The following KCNJ6 variants were observed in gnomAD, a reference collection of about 807,000 sequenced individuals.
KCNJ6 encodes the protein potassium inwardly rectifying channel subfamily J member 6.
A neutral mutation model predicts 34.2 loss-of-function variants in KCNJ6; 9 were observed. The observed-to-expected ratio is 0.26, with a 90% CI of 0.16 to 0.46. The LOEUF (loss-of-function observed/expected upper bound fraction) is 0.46. KCNJ6 is among the 20% of genes least tolerant of loss of function. The pLI, the probability that KCNJ6 is intolerant of heterozygous loss-of-function variation, is 1.00. For missense variants in KCNJ6, 236 were observed against 531.3 expected (o/e 0.44, Z 5.46); for synonymous variants, 196 against 207.1 (o/e 0.95, Z 0.46).
At chr21:37,741,604 C>A (rs1276455842) in intron 2 of KCNJ6, among the ~76,000 whole-genome samples, 1 of 152,156 alleles carries the variant, frequency 6.6e-6, no homozygotes, top group African/African-American at 2.4e-5. Flanking sequence ...CTTGCCCATG[C>A]CTCCACAGAG....
intron 1 of KCNJ6, among the ~76,000 whole-genome samples, chr21:37,874,100 T>G (rs1436034053): frequency 6.6e-6 from 1 of 152,094 alleles, no homozygotes; most frequent in Non-Finnish European, 1.5e-5. Flanking sequence ...TAATCAGGGG[T>G]TCACCCTCTC....
At chr21:37,634,379 TCCTGAAG>T (rs1288364251) in intron 3 of KCNJ6, among the ~76,000 whole-genome samples, 2 of 152,164 alleles carry the variant, frequency 1.3e-5, no homozygotes, top group Non-Finnish European at 2.9e-5. Flanking sequence ...AGTGGAAGCT[TCCTGAAG>T]CCCTCACCAG....
intron 1 of KCNJ6, among the ~76,000 whole-genome samples, chr21:37,863,874 T>TTTTTTTTTTTTTC (rs1239573568): frequency 4.8e-5 from 7 of 145,548 alleles, no homozygotes; most frequent in Non-Finnish European, 9.0e-5. Flanking sequence ...TTTTTTTTTT[T>TTTTTTTTTTTTTC]TGGTGAAGAG....
At chr21:37,712,194 G>A (rs2054756566) in intron 3 of KCNJ6, among the ~76,000 whole-genome samples, 1 of 152,168 alleles carries the variant, frequency 6.6e-6, no homozygotes, top group South Asian at 2.1e-4. Flanking sequence ...AGTAACCAGA[G>A]GGTACGTCTC....
chr21:37,625,097 G>T lies in KCNJ6; in HGVS notation c.*62C>A. ...AGCAAGAGAGACAGAAAAAGAAAGA[G>T]AATGAGAGACAAGGAAAGATTGTGT... On this transcript the variant is annotated 3_prime_UTR_variant, in exon 4 of 4. Coordinates refer to ENST00000609713, the MANE Select transcript of KCNJ6 (RefSeq NM_002240.5). 3 of 1,163,780 alleles carry T rather than the reference G, an allele frequency of 2.6e-6. No individual in the cohort carries two copies. Among genetic ancestry groups the T allele is most frequent in the Non-Finnish European group, 3.7e-6 (3 of 802,390 alleles). The allele number at this position is 1,163,780 out of a possible 1,614,324, so 72.1% of individuals were successfully genotyped here. A position where few individuals can be genotyped will look rare whatever the true frequency, so the allele number is the denominator to read the frequency against.
chr21:37,656,611 G>A (rs951111490), intron 3 of KCNJ6, among the ~76,000 whole-genome samples: 4 of 152,202 alleles, frequency 2.6e-5, no homozygotes, highest in Non-Finnish European at 4.4e-5. Flanking sequence ...GCTGGAGCTG[G>A]AGCGGCTGGG....
intron 3 of KCNJ6, among the ~76,000 whole-genome samples, chr21:37,636,883 C>G (rs982082777): frequency 2.6e-5 from 4 of 152,154 alleles, no homozygotes; most frequent in African/African-American, 9.7e-5. Context: ...ATGAAAACAG[C>G]CTGGAGGATA....
intron 1 of KCNJ6, among the ~76,000 whole-genome samples, chr21:37,875,807 A>C (rs1197303460): frequency 6.6e-6 from 1 of 152,208 alleles, no homozygotes; most frequent in Non-Finnish European, 1.5e-5. Context: ...AGGTGTTTCC[A>C]TACAAGGAAC....
chr21:37,793,956 C>T (rs908702612), intron 2 of KCNJ6, among the ~76,000 whole-genome samples: 7 of 152,182 alleles, frequency 4.6e-5, no homozygotes, highest in African/African-American at 1.4e-4. Context: ...TTTAAAAATG[C>T]CATGTAGTTT....
At chr21:37,722,423 A>T (rs1223270546) in intron 2 of KCNJ6, among the ~76,000 whole-genome samples, 1 of 152,238 alleles carries the variant, frequency 6.6e-6, no homozygotes, top group East Asian at 1.9e-4. Context: ...CATTTTTCAC[A>T]GATTTATAAA....
At chr21:37,738,100 C>T (rs571242271) in intron 2 of KCNJ6, among the ~76,000 whole-genome samples, 1 of 152,174 alleles carries the variant, frequency 6.6e-6, no homozygotes, top group Non-Finnish European at 1.5e-5. Context: ...ATTTTGAGCA[C>T]TTTTGAGTCT....
chr21:37,858,151 G>A (rs1344944052), intron 1 of KCNJ6, among the ~76,000 whole-genome samples: 1 of 151,992 alleles, frequency 6.6e-6, no homozygotes, highest in Non-Finnish European at 1.5e-5. Context: ...CAGCACTTTG[G>A]GAGGCCGAAG....
In KCNJ6 at chr21:37,819,168, G is replaced by A. The variant is rs551832986; in HGVS notation, c.25+21490C>T. ...TGTTTACAGTTTCTTCTGTTGTTCA[G>A]AATCCTTCTGGCAACAGATAGTGAA... On this transcript the variant is annotated intron_variant, in intron 2 of 3. Coordinates refer to ENST00000609713, the MANE Select transcript of KCNJ6 (RefSeq NM_002240.5). Among the ~76,000 whole-genome samples, 43 of 152,152 alleles carry A rather than the reference G, an allele frequency of 2.8e-4. No homozygotes were observed. The South Asian group carries it at 5.6e-3, about 20-fold the overall frequency.
intron 2 of KCNJ6, among the ~76,000 whole-genome samples, chr21:37,816,651 T>C (rs1463547714): frequency 6.6e-6 from 1 of 152,218 alleles, no homozygotes; most frequent in Non-Finnish European, 1.5e-5. Flanking sequence ...CCTCTGTGGC[T>C]ATAGCAGTGA....
intron 1 of KCNJ6, among the ~76,000 whole-genome samples, chr21:37,893,149 C>T (rs950806914): frequency 7.3e-5 from 11 of 151,364 alleles, no homozygotes; most frequent in Non-Finnish European, 1.3e-4. Context: ...CCACCGCACC[C>T]GGCCGGTTTC....
At position 37,820,609 on chromosome 21, in the gene KCNJ6, C is replaced by T. The variant is rs557012567; in HGVS notation, c.25+20049G>A. ...ACTTCCTGCTACGAATTCTGGGGTT[C>T]GTATGACCCATTCAGGTTCCATAAT... On this transcript the variant is annotated intron_variant, in intron 2 of 3. Coordinates refer to ENST00000609713, the MANE Select transcript of KCNJ6 (RefSeq NM_002240.5). Among the ~76,000 whole-genome samples the T allele has an allele frequency of 8.5e-5, 13 of 152,280 alleles. No individual in the cohort carries two copies. In the South Asian group the frequency reaches 1.9e-3, roughly 22 times the overall value.
intron 3 of KCNJ6, among the ~76,000 whole-genome samples, chr21:37,692,924 G>A (rs1385228607): frequency 6.6e-6 from 1 of 152,118 alleles, no homozygotes; most frequent in East Asian, 1.9e-4. Flanking sequence ...ACCAAGAAGG[G>A]ACAGTTTTTG....
At chr21:37,683,032 A>C (rs2054597299) in intron 3 of KCNJ6, among the ~76,000 whole-genome samples, 1 of 152,254 alleles carries the variant, frequency 6.6e-6, no homozygotes. Context: ...TGTTTTCCCA[A>C]GTAAATCCAG....
chr21:37,849,076 C>T (rs904295477), intron 1 of KCNJ6, among the ~76,000 whole-genome samples: 3 of 152,116 alleles, frequency 2.0e-5, no homozygotes, highest in South Asian at 2.1e-4. Context: ...AAATACTATG[C>T]GAGACTGCAG....
Sources: allele counts gnomAD v4.1 joint callset (sites outside exome capture counted in the v4.1 genomes callset), GRCh38; gene constraint gnomAD v4.1.1; transcripts MANE v1.5; gene names NCBI Gene and HGNC (gene_info 2026-07-23, HGNC 2026-07-21).